TRHDE: variants seen among roughly 807,000 people sequenced by gnomAD.
TRHDE encodes the protein thyrotropin releasing hormone degrading enzyme.
In TRHDE, 72 loss-of-function variants were observed where a neutral mutation model predicts 125.7. The observed-to-expected ratio is 0.57, with a 90% CI of 0.47 to 0.70. The LOEUF (loss-of-function observed/expected upper bound fraction) is 0.70. Among genes scored for constraint, TRHDE ranks in the 30% least tolerant of loss-of-function variants. The pLI is 0.00. For missense variants in TRHDE, 1,110 were observed against 1,327.1 expected (o/e 0.84, Z 2.54); for synonymous variants, 509 against 509.1 (o/e 1.00, Z 0.00).
At chr12:72,518,664 A>G (rs1879011347) in intron 6 of TRHDE, among the ~76,000 whole-genome samples, 1 of 151,788 alleles carries the variant, frequency 6.6e-6, no homozygotes, top group Admixed American at 6.6e-5. Flanking sequence ...TAATATTGTT[A>G]TGTGTGAATT....
chr12:72,123,873 T>A (rs1414101209), intron 2 of TRHDE, among the ~76,000 whole-genome samples: 1 of 152,182 alleles, frequency 6.6e-6, no homozygotes, highest in Non-Finnish European at 1.5e-5. Flanking sequence ...TATAACTTTG[T>A]GTGTATTTTC....
chr12:72,580,792 G>A (rs1291682753), intron 12 of TRHDE, among the ~76,000 whole-genome samples: 1 of 152,092 alleles, frequency 6.6e-6, no homozygotes, highest in East Asian at 1.9e-4. Flanking sequence ...GGTTATATTG[G>A]GGGATATAAA....
intron 2 of TRHDE, among the ~76,000 whole-genome samples, chr12:72,367,414 G>T (rs181035343): frequency 6.6e-6 from 1 of 151,896 alleles, no homozygotes; most frequent in African/African-American, 2.4e-5. Flanking sequence ...TGCCACTCCC[G>T]GGCCAGTGCC....
At chr12:72,601,114 T>C (rs1452540852) in intron 12 of TRHDE, among the ~76,000 whole-genome samples, 1 of 152,126 alleles carries the variant, frequency 6.6e-6, no homozygotes, top group African/African-American at 2.4e-5. Flanking sequence ...TAAGAACATT[T>C]ATGATTTATG....
chr12:72,236,080 A>T (rs187019009), intron 2 of TRHDE, among the ~76,000 whole-genome samples: 8 of 152,298 alleles, frequency 5.3e-5, no homozygotes, highest in Admixed American at 2.0e-4. Flanking sequence ...TTCCAAAATT[A>T]ATGTTCATCA....
chr12:72,590,466 G>A (rs1592557666), intron 12 of TRHDE, among the ~76,000 whole-genome samples: 1 of 151,930 alleles, frequency 6.6e-6, no homozygotes, highest in African/African-American at 2.4e-5. Context: ...AAACTATCTA[G>A]TTCTCATTTT....
chr12:72,406,205 C>T (rs1254996197), intron 3 of TRHDE, among the ~76,000 whole-genome samples: 1 of 152,112 alleles, frequency 6.6e-6, no homozygotes, highest in Non-Finnish European at 1.5e-5. Context: ...AAATCTAATT[C>T]TGAGCAGGAT....
At chr12:72,511,832 AT>A (rs1878593108) in intron 6 of TRHDE, among the ~76,000 whole-genome samples, 1 of 152,076 alleles carries the variant, frequency 6.6e-6, no homozygotes, top group African/African-American at 2.4e-5. Context: ...TCCATCTCTG[AT>A]TTGGCATTTA....
At chr12:72,317,857 G>T (rs1868880216) in intron 2 of TRHDE, among the ~76,000 whole-genome samples, 1 of 152,124 alleles carries the variant, frequency 6.6e-6, no homozygotes. Flanking sequence ...CAGTGCTGTG[G>T]TAAGACGTTC....
At chr12:72,158,324 G>A (rs1407332365) in intron 2 of TRHDE, among the ~76,000 whole-genome samples, 2 of 151,476 alleles carry the variant, frequency 1.3e-5, no homozygotes, top group African/African-American at 2.4e-5. Flanking sequence ...TAAAATAAAA[G>A]TGAAATTATA....
chr12:72,303,368 G>T (rs1434608516), intron 2 of TRHDE: 1 of 152,038 alleles, frequency 6.6e-6, no homozygotes, highest in Non-Finnish European at 1.5e-5. Flanking sequence ...GATGGTTTGT[G>T]GGTTGTTCAG....
chr12:72,319,104 A>G (rs1332783865), intron 2 of TRHDE, among the ~76,000 whole-genome samples: 2 of 152,154 alleles, frequency 1.3e-5, no homozygotes, highest in African/African-American at 4.8e-5. Context: ...TACTGAGAAT[A>G]CAGGAATAGA....
chr12:72,429,461 G>C (rs1874345800), intron 3 of TRHDE, among the ~76,000 whole-genome samples: 1 of 151,390 alleles, frequency 6.6e-6, no homozygotes, highest in Admixed American at 6.6e-5. Flanking sequence ...CTACTTTCTG[G>C]CTATTATGAA....
chr12:72,646,558 C>A (rs1197952419), intron 15 of TRHDE, among the ~76,000 whole-genome samples: 1 of 151,936 alleles, frequency 6.6e-6, no homozygotes, highest in Non-Finnish European at 1.5e-5. Flanking sequence ...ATTAACAAAG[C>A]AAGACCTACA....
In TRHDE at chr12:72,669,915, G is replaced by T. The variant is rs933088505; in HGVS notation, c.*6720G>T. 1.3e-5 allele frequency: 2 copies of T among 151,474 alleles called. No individual in the cohort carries two copies. Among genetic ancestry groups the T allele is most frequent in the Admixed American group, 1.3e-4 (2 of 15,164 alleles). The allele number at this position is 151,474 out of a possible 1,614,324, so 9.4% of individuals were successfully genotyped here. A position where few individuals can be genotyped will look rare whatever the true frequency, so the allele number is the denominator to read the frequency against. On this transcript the variant is annotated 3_prime_UTR_variant, in exon 19 of 19. Coordinates refer to ENST00000261180, the MANE Select transcript of TRHDE (RefSeq NM_013381.3). ...TTTTGATAATATCGAAAACAGATTA[G>T]GGCTGAAAAACTAAAAAAGATTAGG... is the stretch of plus-strand genomic sequence containing the variant.
At chr12:72,650,025 T>C (rs1874442989) in intron 15 of TRHDE, among the ~76,000 whole-genome samples, 1 of 152,132 alleles carries the variant, frequency 6.6e-6, no homozygotes, top group African/African-American at 2.4e-5. Flanking sequence ...ATCCCATTTG[T>C]AGATATTTAT....
chr12:72,297,700 A>G (rs555564120), intron 2 of TRHDE, among the ~76,000 whole-genome samples: 6 of 152,350 alleles, frequency 3.9e-5, no homozygotes, highest in Admixed American at 1.3e-4. Flanking sequence ...AAAAGCAGCA[A>G]TGGCAGAAGC....
chr12:72,425,142 G>T (rs572949717), intron 3 of TRHDE, among the ~76,000 whole-genome samples: 2 of 152,190 alleles, frequency 1.3e-5, no homozygotes, highest in South Asian at 4.1e-4. Context: ...TTTTGTTGTT[G>T]TTGTTAGTTT....
intron 2 of TRHDE, among the ~76,000 whole-genome samples, chr12:72,328,527 G>A (rs376967140): frequency 3.1e-4 from 47 of 151,808 alleles, no homozygotes; most frequent in African/African-American, 1.1e-3. Context: ...AAATAGGAAA[G>A]CAATGTGTGT....
Sources: gnomAD v4.1 joint callset for allele counts (sites outside exome capture counted in the v4.1 genomes callset) on GRCh38, gnomAD v4.1.1 for gene constraint, MANE v1.5 for transcripts, NCBI Gene and HGNC (gene_info 2026-07-23, HGNC 2026-07-21) for gene names.